Variants in ENOX1 observed in about 807,000 individuals in gnomAD.
The protein encoded by ENOX1 is ecto-NOX disulfide-thiol exchanger 1.
In ENOX1, 42 loss-of-function variants were observed where a neutral mutation model predicts 82.5. That is an observed-to-expected ratio of 0.51 (90% CI 0.40 to 0.66). The LOEUF is 0.66. Ranked by LOEUF, ENOX1 falls within the 30% of genes least tolerant of loss-of-function variation. ENOX1 has a pLI of 0.00. For synonymous variants in ENOX1, 271 were observed against 282.2 expected, an observed-to-expected ratio of 0.96 and a Z score of 0.40; for missense variants, 608 against 811.6, an observed-to-expected ratio of 0.75 and a Z score of 3.05.
intron 3 of ENOX1, among the ~76,000 whole-genome samples, chr13:43,435,285 C>A (rs1238891755): frequency 6.6e-6 from 1 of 152,148 alleles, no homozygotes; most frequent in African/African-American, 2.4e-5. Flanking sequence ...CACTGGGAAG[C>A]ATTAAGGGGT....
intron 3 of ENOX1, among the ~76,000 whole-genome samples, chr13:43,440,797 A>G (rs1469899457): frequency 6.6e-6 from 1 of 152,224 alleles, no homozygotes; most frequent in African/African-American, 2.4e-5. Flanking sequence ...ATGAACCTCA[A>G]TCATAAGAAT....
chr13:43,704,099 A>G (rs538491796), intron 1 of ENOX1, among the ~76,000 whole-genome samples: 1 of 152,260 alleles, frequency 6.6e-6, no homozygotes, highest in Admixed American at 6.5e-5. Context: ...GTGCACTTTA[A>G]TAAGTTAGGG....
At chr13:43,658,069 A>G (rs930493784) in intron 2 of ENOX1, among the ~76,000 whole-genome samples, 1 of 152,220 alleles carries the variant, frequency 6.6e-6, no homozygotes, top group Admixed American at 6.5e-5. Flanking sequence ...GAATTTGAAG[A>G]GAGAATCATT....
intron 3 of ENOX1, among the ~76,000 whole-genome samples, chr13:43,467,375 A>T (rs2057776603): frequency 6.6e-6 from 1 of 152,194 alleles, no homozygotes; most frequent in Non-Finnish European, 1.5e-5. Flanking sequence ...AGACAGTTAA[A>T]ATAGTAACCC....
intron 2 of ENOX1, among the ~76,000 whole-genome samples, chr13:43,659,502 A>T (rs924382859): frequency 7.9e-5 from 12 of 151,240 alleles, no homozygotes; most frequent in East Asian, 2.0e-4. Flanking sequence ...AAAAAAAAAA[A>T]TTTTCTTCTT....
intron 1 of ENOX1, among the ~76,000 whole-genome samples, chr13:43,778,564 A>AG (rs1170364960): frequency 1.3e-5 from 2 of 149,692 alleles, no homozygotes; most frequent in East Asian, 2.1e-4. Flanking sequence ...GCCAAGAGCA[A>AG]GGGGGGAAAA....
chr13:43,651,763 T>A lies in ENOX1; in HGVS notation c.-219+15716A>T, dbSNP rs1315153176. The stretch of plus-strand genomic sequence containing the variant: ...CACGGTGGGCAGATCTCTTGAGAGG[T>A]CAGGAGATCGAGACCAGCCTGACCA... On this transcript the variant is annotated intron_variant, in intron 2 of 16. Coordinates refer to ENST00000690772, the MANE Select transcript of ENOX1 (RefSeq NM_001347969.2). 4.1e-5 allele frequency among the ~76,000 whole-genome samples: 6 copies of A among 147,278 alleles called. No individual in the cohort carries two copies. The Admixed American group carries it at 4.2e-4, about 10-fold the overall frequency.
At chr13:43,269,679 A>C (rs2044577818) in intron 12 of ENOX1, 102 bp from the exon 13 acceptor site, 2 of 877,854 alleles carry the variant, frequency 2.3e-6, no homozygotes, top group African/African-American at 1.6e-5. Context: ...GATGTTTACA[A>C]GTCTTGAAGC....
intron 2 of ENOX1, among the ~76,000 whole-genome samples, chr13:43,664,568 T>C (rs1214887970): frequency 6.6e-6 from 1 of 152,194 alleles, no homozygotes; most frequent in Non-Finnish European, 1.5e-5. Context: ...CCACCATCAC[T>C]CTGTTTGATC....
chr13:43,609,751 T>A (rs2082121274), intron 2 of ENOX1: 1 of 181,474 alleles, frequency 5.5e-6, no homozygotes, highest in African/African-American at 2.4e-5. Flanking sequence ...CTTGCACACA[T>A]ATTATTATTC....
intron 5 of ENOX1, among the ~76,000 whole-genome samples, chr13:43,380,041 T>C (rs1209614142): frequency 4.6e-5 from 7 of 151,890 alleles, no homozygotes; most frequent in Non-Finnish European, 1.0e-4. Flanking sequence ...AAAAATCTTT[T>C]CTTTAACTTT....
chr13:43,633,318 T>C (rs1303793898), intron 2 of ENOX1, among the ~76,000 whole-genome samples: 1 of 152,168 alleles, frequency 6.6e-6, no homozygotes, highest in East Asian at 1.9e-4. Context: ...GGTAGAGTTA[T>C]TTTAGAGGAA....
At position 43,213,792 on chromosome 13, in the gene ENOX1, A is replaced by G. The variant is rs1443386034; in HGVS notation, c.*198T>C. The stretch of plus-strand genomic sequence containing the variant: ...AGGAAACAGATCTGTCACAGTATGA[A>G]GCTTTGTTTATTTTAAGAAACTGGT... On this transcript the variant is annotated 3_prime_UTR_variant, in exon 17 of 17. Transcript: ENST00000690772. 6.9e-6 allele frequency: 3 copies of G among 434,782 alleles called. No homozygotes were observed. The highest frequency in any genetic ancestry group is 8.2e-5 in the Admixed American group (2 of 24,464). The allele number at this position is 434,782 out of a possible 1,614,324, so 26.9% of individuals were successfully genotyped here.
At chr13:43,228,560 C>A (rs984734694) in intron 15 of ENOX1, among the ~76,000 whole-genome samples, 1 of 152,218 alleles carries the variant, frequency 6.6e-6, no homozygotes, top group Non-Finnish European at 1.5e-5. Flanking sequence ...TTTAAATTGG[C>A]TACCCAAAAG....
chr13:43,415,259 T>TTA (rs2054388167), intron 3 of ENOX1, among the ~76,000 whole-genome samples: 1 of 136,514 alleles, frequency 7.3e-6, no homozygotes, highest in Non-Finnish European at 1.6e-5. Flanking sequence ...TTTTTTTTTT[T>TTA]AGTATTTATT....
intron 8 of ENOX1, among the ~76,000 whole-genome samples, chr13:43,345,732 C>T: frequency 6.6e-6 from 1 of 152,164 alleles, no homozygotes. Flanking sequence ...AGGGGAGAAG[C>T]TTTTCATTGT....
chr13:43,568,424 CAG>C lies in ENOX1; in HGVS notation c.-218-84274_-218-84273del, dbSNP rs373929965. ...TGTCAGGGTGCCCCGGGAAAAAAGA[CAG>C]AGACTCCTCTGGTCTTTTCTGTCAT... On this transcript the variant is annotated intron_variant, in intron 2 of 16. Coordinates refer to ENST00000690772, the MANE Select transcript of ENOX1 (RefSeq NM_001347969.2). 3.2e-4 allele frequency among the ~76,000 whole-genome samples: 49 copies of C among 152,274 alleles called. 3 individuals carry two copies. In the East Asian group the frequency reaches 9.1e-3, roughly 28 times the overall value.
intron 3 of ENOX1, among the ~76,000 whole-genome samples, chr13:43,419,839 C>T (rs181901802): frequency 2.5e-4 from 38 of 152,146 alleles, no homozygotes; most frequent in Admixed American, 1.5e-3. Context: ...GGCGTGGTGA[C>T]GTGCACCTGT....
chr13:43,697,304 G>A (rs918461795), intron 1 of ENOX1, among the ~76,000 whole-genome samples: 4 of 152,166 alleles, frequency 2.6e-5, no homozygotes, highest in Non-Finnish European at 5.9e-5. Context: ...GCCTTCAGTG[G>A]GAACACAGGG....
Sources: allele counts gnomAD v4.1 joint callset (sites outside exome capture counted in the v4.1 genomes callset), GRCh38; gene constraint gnomAD v4.1.1; transcripts MANE v1.5; gene names NCBI Gene and HGNC (gene_info 2026-07-23, HGNC 2026-07-21).